RMND1: variants seen among roughly 807,000 people sequenced by gnomAD.
RMND1 encodes required for meiotic nuclear division 1 homolog.
RMND1 carries 41 observed loss-of-function variants against 54.0 expected under a neutral mutation model. The ratio of observed to expected loss-of-function variants is 0.76; its 90% CI spans 0.59 to 0.98. The LOEUF (loss-of-function observed/expected upper bound fraction) is 0.98. RMND1 is among the 50% of genes least tolerant of loss of function. RMND1 has a pLI of 0.00. For missense variants in RMND1, 457 were observed against 532.0 expected (o/e 0.86, Z 1.39); for synonymous variants, 183 against 181.7 (o/e 1.01, Z -0.06).
chr6:151,439,683 C>G (rs1780714364), intron 2 of RMND1, among the ~76,000 whole-genome samples: 1 of 152,070 alleles, frequency 6.6e-6, no homozygotes, highest in Non-Finnish European at 1.5e-5. Context: ...ATTTTTGAGA[C>G]AGTTTCACTC....
intron 1 of RMND1, among the ~76,000 whole-genome samples, chr6:151,449,680 G>A (rs534134932): frequency 4.0e-5 from 6 of 151,876 alleles, no homozygotes; most frequent in Non-Finnish European, 7.4e-5. Flanking sequence ...CTCTCCCCAC[G>A]GTCTCCCTCT....
At chr6:151,411,055 G>C (rs1165364123) in intron 10 of RMND1, among the ~76,000 whole-genome samples, 3 of 152,192 alleles carry the variant, frequency 2.0e-5, no homozygotes, top group Non-Finnish European at 4.4e-5. Flanking sequence ...TGCCTCCCAA[G>C]TTCAAGTGAT....
Position 151,433,192 on chromosome 6 carries a change from C to A in RMND1, c.652G>T (p.Ala218Ser), listed in dbSNP as rs775874931. 1 of 1,612,304 alleles carries A rather than the reference C, an allele frequency of 6.2e-7. No individual in the cohort carries two copies. The highest frequency in any genetic ancestry group is 8.5e-7 in the Non-Finnish European group (1 of 1,179,176). ...NILVMGVENS[A>S]KEGDPGTIFF... ...ATTGTTCCAGGATCACCTTCTTTTG[C>A]AGAATTTTCCACACCCATCACCAAA... Residue 218 changes from alanine (A) to serine (S), a missense_variant, in exon 4 of 12, where the codon GCA (alanine) becomes TCA (serine). By Grantham distance (99) the Ala-to-Ser change is moderately conservative. Coordinates refer to ENST00000444024, the MANE Select transcript of RMND1 (RefSeq NM_017909.4).
At chr6:151,440,569 T>C (rs945439239) in intron 2 of RMND1, among the ~76,000 whole-genome samples, 20 of 152,248 alleles carry the variant, frequency 1.3e-4, no homozygotes, top group African/African-American at 4.6e-4. Flanking sequence ...GACTGTCAAC[T>C]GTCCCCTTTC....
chr6:151,444,969 GTTTGT>G (rs951469649), intron 2 of RMND1: 1 of 195,408 alleles, frequency 5.1e-6, no homozygotes, highest in African/African-American at 2.3e-5. Context: ...AGAATTTCTA[GTTTGT>G]TTTTTTTTAT....
intron 10 of RMND1, among the ~76,000 whole-genome samples, chr6:151,409,768 A>G (rs9383890): frequency 0.036 from 5,412 of 152,286 alleles, 186 homozygotes; most frequent in East Asian, 0.17. Context: ...GAAAATCCCC[A>G]GGAGAAGGTG....
chr6:151,437,323 A>C (rs1480285628), intron 2 of RMND1, among the ~76,000 whole-genome samples: 1 of 152,236 alleles, frequency 6.6e-6, no homozygotes, highest in Admixed American at 6.5e-5. Flanking sequence ...TATTTTATGA[A>C]GTTTTCTGTC....
chr6:151,436,658 A>G lies in RMND1; in HGVS notation c.505-104T>C, dbSNP rs1780625658. 2.7e-6 allele frequency: 3 copies of G among 1,110,896 alleles called. No homozygotes were observed. In the Admixed American group the frequency reaches 6.9e-5, roughly 26 times the overall value. 68.8% of individuals were successfully genotyped at this position (1,110,896 alleles called of 1,614,324 possible). On this transcript the variant is annotated intron_variant, in intron 2 of 11. Coordinates refer to ENST00000444024, the MANE Select transcript of RMND1 (RefSeq NM_017909.4). ...CTCCATTCTGCAAAGCTAGAACTCC[A>G]GAATTTTCTTCAAACATCTCCAAGG... is the stretch of plus-strand genomic sequence containing the variant.
At chr6:151,443,809 C>T (rs1780863443) in intron 2 of RMND1, among the ~76,000 whole-genome samples, 1 of 152,100 alleles carries the variant, frequency 6.6e-6, no homozygotes, top group African/African-American at 2.4e-5. Context: ...TTACTCTGCC[C>T]TCTCCCACAA....
chr6:151,427,995 T>A (rs1780350427), intron 5 of RMND1, among the ~76,000 whole-genome samples: 1 of 152,000 alleles, frequency 6.6e-6, no homozygotes, highest in Non-Finnish European at 1.5e-5. Context: ...ACAAAAATTA[T>A]CTGGGTGTGG....
intron 10 of RMND1, among the ~76,000 whole-genome samples, chr6:151,406,442 A>G (rs1317968029): frequency 6.6e-6 from 1 of 151,990 alleles, no homozygotes; most frequent in East Asian, 1.9e-4. Context: ...GCTCACTGCA[A>G]GCTCTGCCTC....
At chr6:151,414,466 C>CTA (rs542281242) in intron 10 of RMND1, among the ~76,000 whole-genome samples, 163 of 152,194 alleles carry the variant, frequency 1.1e-3, no homozygotes, top group African/African-American at 3.8e-3. Flanking sequence ...TCAGTAGACA[C>CTA]TAATATCAAG....
chr6:151,408,008 A>G (rs1320770462), intron 10 of RMND1, among the ~76,000 whole-genome samples: 2 of 152,182 alleles, frequency 1.3e-5, no homozygotes, highest in African/African-American at 4.8e-5. Flanking sequence ...GGAGCAAAGA[A>G]AAAACCAGGA....
intron 4 of RMND1, among the ~76,000 whole-genome samples, chr6:151,431,366 G>A (rs1483705582): frequency 1.3e-5 from 2 of 152,152 alleles, no homozygotes; most frequent in Non-Finnish European, 2.9e-5. Flanking sequence ...GAGTGTAGTG[G>A]TCAGAAATGG....
At chr6:151,434,995 C>T (rs575339109) in intron 3 of RMND1, among the ~76,000 whole-genome samples, 4 of 152,016 alleles carry the variant, frequency 2.6e-5, no homozygotes, top group South Asian at 2.1e-4. Flanking sequence ...ATTACAGGCA[C>T]GTACCACCAC....
At chr6:151,428,286 A>G (rs983866746) in intron 5 of RMND1, among the ~76,000 whole-genome samples, 3 of 152,202 alleles carry the variant, frequency 2.0e-5, no homozygotes, top group Non-Finnish European at 2.9e-5. Flanking sequence ...TTATGTGTAT[A>G]TATGTACATA....
At chr6:151,409,842 A>G (rs1000680776) in intron 10 of RMND1, among the ~76,000 whole-genome samples, 2 of 152,174 alleles carry the variant, frequency 1.3e-5, no homozygotes, top group African/African-American at 4.8e-5. Flanking sequence ...CAGAAGCCTC[A>G]GCGACAGGAC....
chr6:151,427,375 CAA>C (rs201656504), intron 6 of RMND1, 105 bp downstream of exon 6: 4,573 of 466,460 alleles, frequency 9.8e-3, no homozygotes, highest in Middle Eastern at 0.011. Context: ...GACTCCGTCT[CAA>C]AAAAAAAAAA....
chr6:151,443,176 C>T (rs1311607717), intron 2 of RMND1, among the ~76,000 whole-genome samples: 1 of 152,124 alleles, frequency 6.6e-6, no homozygotes, highest in Non-Finnish European at 1.5e-5. Context: ...CCCTCAATTT[C>T]GGGCAGAGGA....
Sources: allele counts gnomAD v4.1 joint callset (sites outside exome capture counted in the v4.1 genomes callset), GRCh38; gene constraint gnomAD v4.1.1; transcripts MANE v1.5; gene names NCBI Gene and HGNC (gene_info 2026-07-23, HGNC 2026-07-21).